The following KRIT1 variants were observed in gnomAD, a reference collection of about 807,000 sequenced individuals.
KRIT1 encodes KRIT1 ankyrin repeat containing.
A neutral mutation model predicts 95.8 loss-of-function variants in KRIT1; 45 were observed. The observed-to-expected ratio is 0.47, with a 90% CI of 0.37 to 0.60. The LOEUF is 0.60. Among genes scored for constraint, KRIT1 ranks in the 20% least tolerant of loss-of-function variants. The pLI, the probability that KRIT1 is intolerant of heterozygous loss-of-function variation, is 0.00. For missense variants in KRIT1, 788 were observed against 877.5 expected (o/e 0.90, Z 1.29); for synonymous variants, 282 against 278.8 (o/e 1.01, Z -0.11).
chr7:92,234,835 C>G lies in KRIT1; in HGVS notation c.818G>C (p.Arg273Thr). ...IQIPKQEKWQ[R>T]SMSSVTEDKE... is the part of the protein sequence containing the mutation. ...GTCTTCTGTGACACTGCTCATGCTTCTCTGCCATTTTTCCTGTTTAGGTAT... is the reference window on the plus strand; with the variant it reads ...GTCTTCTGTGACACTGCTCATGCTTGTCTGCCATTTTTCCTGTTTAGGTAT... The change falls in exon 9 of 19, where the codon AGA becomes ACA. Residue 273 changes from arginine (R) to threonine (T), a missense_variant. Arg to Thr is a moderately conservative substitution (Grantham distance 71). This residue lies in a region of KRIT1 where 493 missense variants were observed against 582.3 expected (regional missense o/e 0.85). Coordinates refer to ENST00000394505, the MANE Select transcript of KRIT1 (RefSeq NM_194454.3). 1 of 1,606,542 alleles carries G rather than the reference C, an allele frequency of 6.2e-7. No homozygotes were observed. Among genetic ancestry groups the G allele is most frequent in the South Asian group, 1.1e-5 (1 of 90,942 alleles).
intron 17 of KRIT1, 194 bp from the exon 18 acceptor site, chr7:92,201,617 T>C (rs1175183915): frequency 3.7e-6 from 2 of 536,088 alleles, no homozygotes; most frequent in Non-Finnish European, 6.7e-6. Context: ...ACACATGCCA[T>C]GGTGGTTTGC....
rs1798440361 is a variant in KRIT1, at chr7:92,236,417, C to T, written c.481G>A (p.Asp161Asn). The change falls in exon 7 of 19, where the codon GAT becomes AAT. Residue 161 changes from aspartate to asparagine, a missense_variant. Physicochemically the swap from Asp to Asn is conservative, Grantham distance 23. Transcript: ENST00000394505. ...TLTARMLIAL[D>N]KWLDERHAQS... is the part of the protein sequence containing the mutation. Reference sequence around the variant, plus strand: ...ACTTCTAACGGCATTTCTTACTTATCCAAGGCTATTAACATCCTTGCTGTA... The same window carrying T: ...ACTTCTAACGGCATTTCTTACTTATTCAAGGCTATTAACATCCTTGCTGTA... 1 of 1,596,864 alleles carries T rather than the reference C, an allele frequency of 6.3e-7. No homozygotes were observed. The highest frequency in any genetic ancestry group is 1.3e-5 in the African/African-American group (1 of 74,608).
intron 9 of KRIT1, 38 bp downstream of exon 9, chr7:92,234,770 T>A (rs1798041401): frequency 4.7e-6 from 6 of 1,270,522 alleles, no homozygotes; most frequent in Non-Finnish European, 6.9e-6. Context: ...GAATGTAAGT[T>A]TTTATAAAAG....
At chr7:92,231,203 G>T (rs1030907425) in intron 10 of KRIT1, among the ~76,000 whole-genome samples, 1 of 152,074 alleles carries the variant, frequency 6.6e-6, no homozygotes, top group African/African-American at 2.4e-5. Context: ...CTCTACAAGG[G>T]GTTAAAGCCA....
In KRIT1 at chr7:92,204,263, G is replaced by A. The variant is rs567279812; in HGVS notation, c.2026-2840C>T. Among the ~76,000 whole-genome samples the A allele has an allele frequency of 2.4e-4, 35 of 148,080 alleles. No homozygotes were observed. In the South Asian group the frequency reaches 7.5e-3, roughly 32 times the overall value. On this transcript the variant is annotated intron_variant, in intron 17 of 18. Transcript: ENST00000394505. ...GCAAAAGAGTGAGACTGTGTCCCAA[G>A]GAAAAAAAAAAAAGGAAAGAAAAAG...
rs1339505982 is a variant in KRIT1, at chr7:92,234,471, C to T, written c.967G>A (p.Ala323Thr). 6.2e-7 allele frequency: 1 copy of T among 1,607,728 alleles called. No homozygotes were observed. The highest frequency in any genetic ancestry group is 2.2e-5 in the East Asian group (1 of 44,846). Residue 323 changes from alanine (A) to threonine (T), a missense_variant, in exon 10 of 19, where the codon GCA (alanine) becomes ACA (threonine). By Grantham distance (58) the Ala-to-Thr change is moderately conservative. Transcript: ENST00000394505. ...TACCAGCATGCATAATGAATGGGTG[C>T]CCAGTGGTCACTATCTAACTGGTTG... ...SVNQLDSDHW[A>T]PIHYACWYGK...
intron 16 of KRIT1, 49 bp downstream of exon 16, chr7:92,213,843 G>T: frequency 9.2e-7 from 1 of 1,085,076 alleles, no homozygotes; most frequent in Non-Finnish European, 1.4e-6. Flanking sequence ...CACTAACAAA[G>T]TTTCAACTAG....
At chr7:92,226,388 C>T (rs1009166086) in intron 11 of KRIT1, 138 bp downstream of exon 11, 8 of 707,018 alleles carry the variant, frequency 1.1e-5, no homozygotes, top group South Asian at 6.5e-5. Flanking sequence ...TCATATATTC[C>T]GTTACTTATT....
intron 8 of KRIT1, 81 bp from the exon 9 acceptor site, chr7:92,235,004 CTTAT>C (rs1468944418): frequency 1.1e-5 from 8 of 749,686 alleles, no homozygotes; most frequent in Admixed American, 4.0e-5. Context: ...TAAATTTTTA[CTTAT>C]TTATTTATTG....
intron 5 of KRIT1, among the ~76,000 whole-genome samples, chr7:92,239,680 G>A (rs1204002550): frequency 2.0e-5 from 3 of 150,036 alleles, no homozygotes; most frequent in Non-Finnish European, 4.4e-5. Flanking sequence ...GAGACTCGGA[G>A]TGTTTATCAC....
intron 5 of KRIT1, among the ~76,000 whole-genome samples, chr7:92,240,159 T>C (rs1360691062): frequency 3.9e-5 from 6 of 152,186 alleles, no homozygotes; most frequent in Admixed American, 6.5e-5. Flanking sequence ...CACAGGCTTA[T>C]AGCTCAGTTA....
chr7:92,224,302 T>G (rs1421007435), intron 12 of KRIT1, among the ~76,000 whole-genome samples: 1 of 152,148 alleles, frequency 6.6e-6, no homozygotes, highest in Non-Finnish European at 1.5e-5. Flanking sequence ...TTCAAACAGT[T>G]TTTAAACTAA....
intron 6 of KRIT1, 129 bp downstream of exon 6, chr7:92,237,538 A>G: frequency 2.3e-6 from 1 of 440,006 alleles, no homozygotes; most frequent in East Asian, 3.8e-5. Flanking sequence ...TTTCCCTTCT[A>G]TTAATTTTAA....
chr7:92,208,648 AATATTGAACC>A (rs1242272127), intron 17 of KRIT1, among the ~76,000 whole-genome samples: 1 of 152,182 alleles, frequency 6.6e-6, no homozygotes, highest in Non-Finnish European at 1.5e-5. Flanking sequence ...ACAACCTACC[AATATTGAACC>A]AGGAAGGAAA....
At chr7:92,235,705 G>C in intron 7 of KRIT1, 59 bp from the exon 8 acceptor site, 1 of 1,536,212 alleles carries the variant, frequency 6.5e-7, no homozygotes, top group East Asian at 2.3e-5. Context: ...GAAAAAGATA[G>C]ATTACTATCT....
chr7:92,243,252 A>G (rs1234000559), intron 3 of KRIT1, among the ~76,000 whole-genome samples: 2 of 152,204 alleles, frequency 1.3e-5, no homozygotes, highest in Admixed American at 6.5e-5. Flanking sequence ...TTCAACCACA[A>G]TCTTAGTTGT....
intron 14 of KRIT1, among the ~76,000 whole-genome samples, chr7:92,221,498 G>GTA (rs1795136067): frequency 1.3e-5 from 2 of 152,088 alleles, no homozygotes; most frequent in South Asian, 4.2e-4. Flanking sequence ...CCCTTTGCAA[G>GTA]TATAATCTTA....
intron 10 of KRIT1, among the ~76,000 whole-genome samples, chr7:92,234,057 G>C (rs1797890291): frequency 6.6e-6 from 1 of 152,160 alleles, no homozygotes; most frequent in Non-Finnish European, 1.5e-5. Flanking sequence ...CAAGACGCAA[G>C]GTCAAATCGT....
rs568078150 is a variant in KRIT1 at position 92,223,273 on chromosome 7, CAAAAAAA to C, written c.1255-302_1255-296del. On this transcript the variant is annotated intron_variant, in intron 12 of 18. Transcript: ENST00000394505. ...TGAAACCCCGTCTCTACTAAAAATA[CAAAAAAA>C]AAAAAAAAAAAAAAATTAGCTGGGC... Among the ~76,000 whole-genome samples, 70 of 42,102 alleles carry C rather than the reference CAAAAAAA, an allele frequency of 1.7e-3. No homozygotes were observed. In the East Asian group the frequency reaches 0.033, roughly 20 times the overall value. The allele number at this position is 42,102 out of a possible 152,430, so 27.6% of individuals were successfully genotyped here.
Sources: gnomAD v4.1 joint callset for allele counts (sites outside exome capture counted in the v4.1 genomes callset) on GRCh38, gnomAD v4.1.1 for gene constraint, gnomAD v4.1.1 regional missense constraint, MANE v1.5 for transcripts, NCBI Gene and HGNC (gene_info 2026-07-23, HGNC 2026-07-21) for gene names.